RORA: variants seen among roughly 807,000 people sequenced by gnomAD.
RORA encodes RAR related orphan receptor A, also known as nuclear receptor ROR-alpha.
A neutral mutation model predicts 69.5 loss-of-function variants in RORA; 7 were observed. That is an observed-to-expected ratio of 0.10 (90% CI 0.06 to 0.19). RORA has a LOEUF of 0.19. Among genes scored for constraint, RORA ranks in the 10% least tolerant of loss-of-function variants. The pLI, the probability that RORA is intolerant of heterozygous loss-of-function variation, is 1.00. For missense variants in RORA, 457 were observed against 663.0 expected (o/e 0.69, Z 3.41); for synonymous variants, 261 against 240.8 (o/e 1.08, Z -0.78).
intron 2 of RORA, among the ~76,000 whole-genome samples, chr15:60,651,997 G>T (rs1376899066): frequency 1.3e-5 from 2 of 152,126 alleles, no homozygotes; most frequent in African/African-American, 4.8e-5. Flanking sequence ...TCAAAGAGGG[G>T]TGTCCTTTTA....
At position 60,873,271 on chromosome 15, in the gene RORA, GTGTGTCTGTGTGTGTGTGTCTGTGTGTA is replaced by G. The variant is rs1397559392; in HGVS notation, c.167-194613_167-194586del. ...TGTCTGTGTGTGTGTGTCTGTGTGT[GTGTGTCTGTGTGTGTGTGTCTGTGTGTA>G]TGTGTGCAAGTTATCTTAATCATTT... On this transcript the variant is annotated intron_variant, in intron 1 of 10. Transcript: ENST00000335670. Among the ~76,000 whole-genome samples the G allele has an allele frequency of 3.3e-4, 44 of 131,796 alleles. 1 individual carries two copies. The highest frequency in any genetic ancestry group is 1.6e-4 in the Non-Finnish European group (9 of 55,438). The allele number at this position is 131,796 out of a possible 152,430, so 86.5% of individuals were successfully genotyped here. A position where few individuals can be genotyped will look rare whatever the true frequency, so the allele number is the denominator to read the frequency against.
chr15:60,954,438 A>AT (rs1456565059), intron 1 of RORA, among the ~76,000 whole-genome samples: 1 of 122,856 alleles, frequency 8.1e-6, no homozygotes, highest in Non-Finnish European at 1.9e-5. Context: ...AACTTAAAGT[A>AT]TAAAAAAAAA....
rs1179441890 is a variant in RORA at position 60,653,302 on chromosome 15, T to C, written c.196+25355A>G. On this transcript the variant is annotated intron_variant, in intron 2 of 10. Transcript: ENST00000335670. ...CATAATGTGTACAGGTGCATGCGTG[T>C]GTGTGTGTGTGTGTGTGTGTGTGTG... Among the ~76,000 whole-genome samples the C allele has an allele frequency of 7.5e-5, 8 of 106,744 alleles. No individual in the cohort carries two copies. In the East Asian group the frequency reaches 2.2e-3, roughly 29 times the overall value. The allele number at this position is 106,744 out of a possible 152,430, so 70.0% of individuals were successfully genotyped here. A position where few individuals can be genotyped will look rare whatever the true frequency, so the allele number is the denominator to read the frequency against.
chr15:60,634,375 T>G (rs1036737196), intron 2 of RORA, among the ~76,000 whole-genome samples: 1 of 151,326 alleles, frequency 6.6e-6, no homozygotes, highest in Non-Finnish European at 1.5e-5. Flanking sequence ...GACATTTGTC[T>G]TTCTGAGAGA....
At chr15:61,123,801 C>T (rs1300082839) in intron 1 of RORA, among the ~76,000 whole-genome samples, 2 of 152,168 alleles carry the variant, frequency 1.3e-5, no homozygotes, top group Non-Finnish European at 2.9e-5. Context: ...GAAATGTCTC[C>T]CTAACCTCCA....
chr15:60,815,240 T>C (rs1203465537), intron 1 of RORA, among the ~76,000 whole-genome samples: 1 of 152,178 alleles, frequency 6.6e-6, no homozygotes, highest in African/African-American at 2.4e-5. Flanking sequence ...GGAATAATAA[T>C]AATAGTTTCC....
chr15:60,585,831 G>A (rs340005), intron 2 of RORA, among the ~76,000 whole-genome samples: 102,451 of 151,976 alleles, frequency 0.67, 35,056 homozygotes, highest in East Asian at 0.9. Context: ...TAACCATGAA[G>A]AACAACGAGT....
At chr15:61,179,827 C>T (rs1340268819) in intron 1 of RORA, among the ~76,000 whole-genome samples, 1 of 152,056 alleles carries the variant, frequency 6.6e-6, no homozygotes, top group Non-Finnish European at 1.5e-5. Flanking sequence ...GATTTAAAAG[C>T]AAATGATGGT....
chr15:60,539,996 T>C (rs1465612093), intron 2 of RORA, among the ~76,000 whole-genome samples: 1 of 152,184 alleles, frequency 6.6e-6, no homozygotes, highest in Non-Finnish European at 1.5e-5. Flanking sequence ...GTGGGTTAAA[T>C]GTCATTTCAT....
chr15:60,898,968 G>A (rs1271178216), intron 1 of RORA, among the ~76,000 whole-genome samples: 2 of 152,160 alleles, frequency 1.3e-5, no homozygotes, highest in Non-Finnish European at 2.9e-5. Flanking sequence ...ATTCCCTTGA[G>A]CTTCCAGAAA....
chr15:61,126,307 G>A (rs1483308219), intron 1 of RORA, among the ~76,000 whole-genome samples: 1 of 152,162 alleles, frequency 6.6e-6, no homozygotes, highest in Non-Finnish European at 1.5e-5. Context: ...TGTACACATG[G>A]TGAAATGATT....
At chr15:61,118,692 C>T (rs1180028235) in intron 1 of RORA, among the ~76,000 whole-genome samples, 4 of 152,046 alleles carry the variant, frequency 2.6e-5, no homozygotes, top group African/African-American at 9.7e-5. Flanking sequence ...TGGGGGATCG[C>T]GTTTTCCTTC....
intron 1 of RORA, among the ~76,000 whole-genome samples, chr15:60,814,995 G>A (rs936748067): frequency 6.6e-6 from 1 of 152,090 alleles, no homozygotes; most frequent in Non-Finnish European, 1.5e-5. Flanking sequence ...TTCAAAAGTA[G>A]GACACATGAG....
intron 1 of RORA, among the ~76,000 whole-genome samples, chr15:60,851,964 G>A (rs951663413): frequency 2.6e-5 from 4 of 152,148 alleles, no homozygotes; most frequent in Admixed American, 2.0e-4. Context: ...TCCCCATCAA[G>A]TCTCCAAGGT....
intron 1 of RORA, among the ~76,000 whole-genome samples, chr15:60,978,131 T>TTCA (rs36048535): frequency 3.6e-4 from 55 of 151,178 alleles, no homozygotes; most frequent in African/African-American, 1.3e-3. Flanking sequence ...TCTTATTTTC[T>TTCA]TCATCATCAT....
At chr15:60,663,396 T>C (rs1477686935) in intron 2 of RORA, among the ~76,000 whole-genome samples, 1 of 152,222 alleles carries the variant, frequency 6.6e-6, no homozygotes, top group Non-Finnish European at 1.5e-5. Flanking sequence ...TTCCAGAAGT[T>C]TTTAAAAAAC....
At chr15:61,224,259 A>G (rs1189352378) in intron 1 of RORA, among the ~76,000 whole-genome samples, 2 of 152,244 alleles carry the variant, frequency 1.3e-5, no homozygotes, top group Admixed American at 6.5e-5. Context: ...GTCCCTGTAT[A>G]TTGGCTCATG....
chr15:61,045,814 G>A (rs543738400), intron 1 of RORA, among the ~76,000 whole-genome samples: 18 of 152,150 alleles, frequency 1.2e-4, no homozygotes, highest in African/African-American at 3.9e-4. Context: ...CAACACAAAC[G>A]GAATGTCTGA....
At chr15:60,748,610 C>T (rs1348529711) in intron 1 of RORA, among the ~76,000 whole-genome samples, 2 of 152,190 alleles carry the variant, frequency 1.3e-5, no homozygotes, top group Non-Finnish European at 2.9e-5. Context: ...CAACACAGCT[C>T]CTGGTTCAGT....
Sources: allele counts gnomAD v4.1 joint callset (sites outside exome capture counted in the v4.1 genomes callset), GRCh38; gene constraint gnomAD v4.1.1; transcripts MANE v1.5; gene names NCBI Gene and HGNC (gene_info 2026-07-23, HGNC 2026-07-21).